The following FAM20C variants were observed in gnomAD, a reference collection of about 807,000 sequenced individuals.
FAM20C encodes extracellular serine/threonine protein kinase FAM20C.
FAM20C carries 40 observed loss-of-function variants against 51.5 expected under a neutral mutation model. That is an observed-to-expected ratio of 0.78 (90% CI 0.60 to 1.01). The LOEUF (loss-of-function observed/expected upper bound fraction) is 1.01. Ranked by LOEUF, FAM20C falls within the 50% of genes least tolerant of loss-of-function variation. The probability of loss-of-function intolerance (pLI) is 0.00; values close to 1 mark genes in which losing one functional copy is unlikely to be tolerated. For missense variants in FAM20C, 861 were observed against 844.7 expected (o/e 1.02, Z -0.24); for synonymous variants, 406 against 380.6 (o/e 1.07, Z -0.78).
At chr7:195,944 G>C (rs1012577019) in intron 2 of FAM20C, among the ~76,000 whole-genome samples, 1 of 152,236 alleles carries the variant, frequency 6.6e-6, no homozygotes, top group Admixed American at 6.5e-5. Flanking sequence ...TCTGCCGCAC[G>C]ATGAGCGGGG....
chr7:249,437 G>A (rs1788309531), intron 5 of FAM20C, among the ~76,000 whole-genome samples: 1 of 152,254 alleles, frequency 6.6e-6, no homozygotes, highest in Non-Finnish European at 1.5e-5. Flanking sequence ...ATCTACCCAG[G>A]TTGCTTTAAA....
At chr7:229,025 C>T (rs1381080053) in intron 3 of FAM20C, 6 of 349,430 alleles carry the variant, frequency 1.7e-5, no homozygotes, top group African/African-American at 4.4e-5. Flanking sequence ...CCCACCCACG[C>T]ACCCCACCCC....
At chr7:222,909 G>A (rs1192187641) in intron 3 of FAM20C, among the ~76,000 whole-genome samples, 2 of 152,000 alleles carry the variant, frequency 1.3e-5, no homozygotes, top group Non-Finnish European at 2.9e-5. Context: ...CGTGTGTAAG[G>A]GTGTGCATGT....
At chr7:208,302 C>T (rs1251651665) in intron 2 of FAM20C, among the ~76,000 whole-genome samples, 1 of 150,878 alleles carries the variant, frequency 6.6e-6, no homozygotes, top group Non-Finnish European at 1.5e-5. Context: ...GCCGTCCCGT[C>T]GAGATTAGGC....
intron 5 of FAM20C, among the ~76,000 whole-genome samples, chr7:255,337 G>T (rs376481760): frequency 2.6e-5 from 4 of 152,142 alleles, no homozygotes; most frequent in African/African-American, 7.2e-5. Flanking sequence ...TCACGATGGC[G>T]CCCGTCTCTT....
chr7:235,435 T>G (rs1787818059), intron 3 of FAM20C, among the ~76,000 whole-genome samples: 1 of 152,216 alleles, frequency 6.6e-6, no homozygotes, highest in African/African-American at 2.4e-5. Context: ...GGTGTGAGTC[T>G]CAGGACAAAT....
chr7:196,171 TGTG>T (rs1008144955), intron 2 of FAM20C, among the ~76,000 whole-genome samples: 4 of 152,154 alleles, frequency 2.6e-5, no homozygotes, highest in African/African-American at 9.7e-5. Context: ...GCCTGCTTCT[TGTG>T]GTTTTGAAGC....
At position 193,172 on chromosome 7, in the gene FAM20C, C is replaced by T. The variant is rs1785646815; in HGVS notation, c.-28C>T. The T allele has an allele frequency of 1.4e-6, 2 of 1,438,946 alleles. No homozygotes were observed. Among genetic ancestry groups the T allele is most frequent in the African/African-American group, 1.5e-5 (1 of 66,646 alleles). 89.1% of individuals were successfully genotyped at this position (1,438,946 alleles called of 1,614,324 possible). Reference sequence around the variant, plus strand: ...TAGAGGGGCGCGCGGGCAGAACGCGCTCCAGGCCCGGGCCGGCCCGCGCGG... The same window carrying T: ...TAGAGGGGCGCGCGGGCAGAACGCGTTCCAGGCCCGGGCCGGCCCGCGCGG... On this transcript the variant is annotated 5_prime_UTR_variant, in exon 1 of 10. Coordinates refer to ENST00000313766, the MANE Select transcript of FAM20C (RefSeq NM_020223.4).
At chr7:223,814 C>T (rs901233139) in intron 3 of FAM20C, among the ~76,000 whole-genome samples, 11 of 152,118 alleles carry the variant, frequency 7.2e-5, no homozygotes, top group African/African-American at 2.4e-4. Flanking sequence ...GAACTTTTTT[C>T]ATTTGAAGAA....
chr7:256,945 C>A, intron 7 of FAM20C, 60 bp from the exon 8 acceptor site: 8 of 1,513,004 alleles, frequency 5.3e-6, no homozygotes, highest in Non-Finnish European at 7.1e-6. Context: ...AGCACAGAGG[C>A]CTCTGAGCTA....
At chr7:204,416 C>T (rs1400407093) in intron 2 of FAM20C, among the ~76,000 whole-genome samples, 1 of 152,236 alleles carries the variant, frequency 6.6e-6, no homozygotes, top group Non-Finnish European at 1.5e-5. Context: ...TGGTCCAGGG[C>T]ACTGAGCCCA....
chr7:233,152 G>A (rs1279888515), intron 3 of FAM20C, among the ~76,000 whole-genome samples: 1 of 152,216 alleles, frequency 6.6e-6, no homozygotes, highest in Non-Finnish European at 1.5e-5. Flanking sequence ...TAAAATGGGG[G>A]CAGCCGCGAG....
intron 3 of FAM20C, among the ~76,000 whole-genome samples, chr7:244,943 C>T (rs987926521): frequency 2.0e-5 from 3 of 152,228 alleles, no homozygotes; most frequent in Admixed American, 2.0e-4. Flanking sequence ...CCACAGCTTT[C>T]TGAGAACAGC....
At chr7:246,327 A>T (rs554594507) in intron 3 of FAM20C, 88 bp from the exon 4 acceptor site, 5 of 1,121,110 alleles carry the variant, frequency 4.5e-6, no homozygotes, top group Non-Finnish European at 1.3e-6. Flanking sequence ...CATTTTTCAT[A>T]TGAGGAACCC....
intron 5 of FAM20C, among the ~76,000 whole-genome samples, chr7:253,188 T>C (rs1206921351): frequency 6.6e-6 from 1 of 152,216 alleles, no homozygotes; most frequent in Admixed American, 6.5e-5. Context: ...CCAGAGCCGC[T>C]GCCCTAAGTA....
At chr7:240,338 T>G (rs1277393297) in intron 3 of FAM20C, among the ~76,000 whole-genome samples, 11,346 of 14,440 alleles carry the variant, frequency 0.79, 4,329 homozygotes, top group African/African-American at 0.82. Flanking sequence ...AGGTGATGAT[T>G]ATGATGTTGA....
chr7:219,769 G>T (rs962948389), intron 3 of FAM20C, among the ~76,000 whole-genome samples: 1 of 152,222 alleles, frequency 6.6e-6, no homozygotes, highest in African/African-American at 2.4e-5. Context: ...TTCTCCTAGA[G>T]CCCATGAACT....
At chr7:234,199 A>G (rs1434192007) in intron 3 of FAM20C, among the ~76,000 whole-genome samples, 1 of 152,164 alleles carries the variant, frequency 6.6e-6, no homozygotes, top group Non-Finnish European at 1.5e-5. Context: ...GGCCGCCAGG[A>G]TTTCACCCGG....
chr7:196,098 G>A (rs998649414), intron 2 of FAM20C, among the ~76,000 whole-genome samples: 8 of 152,338 alleles, frequency 5.3e-5, no homozygotes, highest in South Asian at 2.1e-4. Context: ...CACCGGAAGC[G>A]TGTGCATGGA....
Sources: gnomAD v4.1 joint callset for allele counts (sites outside exome capture counted in the v4.1 genomes callset) on GRCh38, gnomAD v4.1.1 for gene constraint, MANE v1.5 for transcripts, NCBI Gene and HGNC (gene_info 2026-07-23, HGNC 2026-07-21) for gene names.